Variants in ROBO2 observed in about 807,000 individuals in gnomAD.
ROBO2 encodes the protein roundabout homolog 2.
ROBO2 carries 53 observed loss-of-function variants against 160.8 expected under a neutral mutation model. The observed-to-expected ratio is 0.33, with a 90% CI of 0.26 to 0.41. The LOEUF is 0.41. Ranked by LOEUF, ROBO2 falls within the 10% of genes least tolerant of loss-of-function variation. ROBO2 has a pLI of 1.00. For synonymous variants in ROBO2, 664 were observed against 611.7 expected, an observed-to-expected ratio of 1.09 and a Z score of -1.26; for missense variants, 1,577 against 1,722.4, an observed-to-expected ratio of 0.92 and a Z score of 1.49.
intron 2 of ROBO2, among the ~76,000 whole-genome samples, chr3:75,984,757 T>C (rs2065368831): frequency 6.6e-6 from 1 of 151,458 alleles, no homozygotes; most frequent in Non-Finnish European, 1.5e-5. Flanking sequence ...TGGTAAGTGA[T>C]AGAAGACCTG....
At chr3:76,130,802 A>G (rs752728605) in intron 2 of ROBO2, among the ~76,000 whole-genome samples, 7 of 152,214 alleles carry the variant, frequency 4.6e-5, no homozygotes, top group Non-Finnish European at 8.8e-5. Flanking sequence ...AGCAACCAAC[A>G]GTAAGTATCT....
intron 2 of ROBO2, among the ~76,000 whole-genome samples, chr3:76,708,645 T>G (rs1346789364): frequency 6.6e-6 from 1 of 152,194 alleles, no homozygotes; most frequent in Non-Finnish European, 1.5e-5. Context: ...AGAATTTATA[T>G]GCCTTGCCCA....
Position 76,241,798 on chromosome 3 carries a change from A to C in ROBO2, c.109+304196A>C, listed in dbSNP as rs574095246. 7.2e-5 allele frequency among the ~76,000 whole-genome samples: 11 copies of C among 152,324 alleles called. No homozygotes were observed. In the East Asian group the frequency reaches 2.1e-3, roughly 29 times the overall value. ...GATTATACATTTCCAGGAGGAAAAA[A>C]TGTACTGTCTGAATGATAGGAAATG... On this transcript the variant is annotated intron_variant, in intron 2 of 26. Transcript: ENST00000487694.
chr3:77,561,140 A>G (rs926044481), intron 9 of ROBO2, among the ~76,000 whole-genome samples: 1 of 152,310 alleles, frequency 6.6e-6, no homozygotes, highest in East Asian at 1.9e-4. Context: ...GGCATTTAAA[A>G]TCAATTAAGA....
chr3:76,910,338 T>A (rs949167569), intron 2 of ROBO2, among the ~76,000 whole-genome samples: 17 of 152,178 alleles, frequency 1.1e-4, no homozygotes, highest in African/African-American at 4.1e-4. Flanking sequence ...ACGAGGCTAT[T>A]CAAATTCTTC....
At chr3:76,962,034 A>AAAATTGTTTG (rs2079700418) in intron 2 of ROBO2, among the ~76,000 whole-genome samples, 1 of 152,084 alleles carries the variant, frequency 6.6e-6, no homozygotes, top group African/African-American at 2.4e-5. Flanking sequence ...CCTTAACTCT[A>AAAATTGTTTG]CAAACAATTT....
chr3:76,121,517 A>T (rs1559568177), intron 2 of ROBO2, among the ~76,000 whole-genome samples: 1 of 152,114 alleles, frequency 6.6e-6, no homozygotes, highest in Non-Finnish European at 1.5e-5. Flanking sequence ...TTATAAGCTA[A>T]GTGTTTATGT....
intron 2 of ROBO2, among the ~76,000 whole-genome samples, chr3:76,002,786 T>C (rs1433907894): frequency 2.6e-5 from 4 of 152,102 alleles, no homozygotes; most frequent in Non-Finnish European, 5.9e-5. Flanking sequence ...GAATAGCTTT[T>C]TCCTTCTCTG....
intron 2 of ROBO2, among the ~76,000 whole-genome samples, chr3:76,932,907 C>T (rs2077444445): frequency 6.6e-6 from 1 of 151,884 alleles, no homozygotes; most frequent in Non-Finnish European, 1.5e-5. Context: ...CCGCCCCGGC[C>T]CCGAGAAGTC....
intron 2 of ROBO2, among the ~76,000 whole-genome samples, chr3:77,216,661 C>T (rs966347608): frequency 3.3e-5 from 5 of 152,196 alleles, no homozygotes; most frequent in Admixed American, 1.3e-4. Context: ...TCGTCTTCTG[C>T]GTCACTCATG....
chr3:77,013,600 T>G (rs1227053283), intron 2 of ROBO2, among the ~76,000 whole-genome samples: 1 of 152,154 alleles, frequency 6.6e-6, no homozygotes, highest in Non-Finnish European at 1.5e-5. Context: ...ATGCTCATTG[T>G]TGCTTCCTCC....
intron 2 of ROBO2, among the ~76,000 whole-genome samples, chr3:77,423,014 C>T (rs2077850869): frequency 6.6e-6 from 1 of 152,104 alleles, no homozygotes; most frequent in Non-Finnish European, 1.5e-5. Context: ...CAGAGTTATA[C>T]AATCTAGAAG....
chr3:76,340,545 T>C (rs1458348543), intron 2 of ROBO2, among the ~76,000 whole-genome samples: 1 of 152,196 alleles, frequency 6.6e-6, no homozygotes, highest in Non-Finnish European at 1.5e-5. Flanking sequence ...GCATATGTGA[T>C]TTAAAGCTAA....
chr3:76,080,027 C>T (rs2068770298), intron 2 of ROBO2, among the ~76,000 whole-genome samples: 1 of 152,082 alleles, frequency 6.6e-6, no homozygotes, highest in South Asian at 2.1e-4. Flanking sequence ...CACATAGATA[C>T]AATATTTAAA....
intron 16 of ROBO2, among the ~76,000 whole-genome samples, chr3:77,581,840 T>C (rs570279024): frequency 6.6e-6 from 1 of 152,188 alleles, no homozygotes; most frequent in Non-Finnish European, 1.5e-5. Flanking sequence ...CTAAAAACAG[T>C]CTGGAAATCT....
chr3:76,999,112 C>T (rs1365482151), intron 2 of ROBO2, among the ~76,000 whole-genome samples: 2 of 151,822 alleles, frequency 1.3e-5, no homozygotes, highest in Non-Finnish European at 2.9e-5. Context: ...GATGTGCTTA[C>T]AGAATACATT....
chr3:77,287,115 G>C (rs1231954543), intron 2 of ROBO2, among the ~76,000 whole-genome samples: 1 of 152,102 alleles, frequency 6.6e-6, no homozygotes, highest in African/African-American at 2.4e-5. Flanking sequence ...TTATGGAATT[G>C]ATCCATCATA....
intron 2 of ROBO2, among the ~76,000 whole-genome samples, chr3:76,296,712 T>C (rs1709093903): frequency 6.6e-6 from 1 of 152,230 alleles, no homozygotes; most frequent in African/African-American, 2.4e-5. Context: ...GACGTATTAA[T>C]GCTGAAATAG....
intron 23 of ROBO2, among the ~76,000 whole-genome samples, chr3:77,628,144 G>T (rs2095072049): frequency 6.9e-6 from 1 of 145,552 alleles, no homozygotes; most frequent in Admixed American, 7.0e-5. Context: ...AATTTGGAAA[G>T]ATTGAAAATG....
Sources: allele counts gnomAD v4.1 joint callset (sites outside exome capture counted in the v4.1 genomes callset), GRCh38; gene constraint gnomAD v4.1.1; transcripts MANE v1.5; gene names NCBI Gene and HGNC (gene_info 2026-07-23, HGNC 2026-07-21).